Variants in EIF4H observed in about 807,000 individuals in gnomAD.
EIF4H encodes the protein Williams-Beuren syndrome chromosome region 1.
EIF4H carries 8 observed loss-of-function variants against 30.6 expected under a neutral mutation model. That is an observed-to-expected ratio of 0.26 (90% CI 0.15 to 0.47). EIF4H has a LOEUF of 0.47. Among genes scored for constraint, EIF4H ranks in the 20% least tolerant of loss-of-function variants. The pLI, the probability that EIF4H is intolerant of heterozygous loss-of-function variation, is 0.99. For synonymous variants in EIF4H, 106 were observed against 122.7 expected (o/e 0.86, Z 0.90); for missense variants, 188 against 339.5 (o/e 0.55, Z 3.51).
At position 74,184,026 on chromosome 7, in the gene EIF4H, G is replaced by A. The variant is rs540734639; in HGVS notation, c.60-3585G>A. ...GAAAAGTCTAGAGTATTAAGCCACTGGTGGTTTTGTGAGGCACGAGTGAGT... is the reference window on the plus strand; with the variant it reads ...GAAAAGTCTAGAGTATTAAGCCACTAGTGGTTTTGTGAGGCACGAGTGAGT... On this transcript the variant is annotated intron_variant, in intron 1 of 6. Coordinates refer to ENST00000265753, the MANE Select transcript of EIF4H (RefSeq NM_022170.2). The A allele has an allele frequency of 3.9e-5, 6 of 152,332 alleles. No homozygotes were observed. In the South Asian group the frequency reaches 1.2e-3, roughly 32 times the overall value. 9.4% of individuals were successfully genotyped at this position (152,332 alleles called of 1,614,324 possible).
intron 5 of EIF4H, among the ~76,000 whole-genome samples, chr7:74,191,849 G>A (rs567995601): frequency 4.6e-4 from 70 of 152,048 alleles, no homozygotes; most frequent in Admixed American, 1.3e-3. Flanking sequence ...GTGCGATCTC[G>A]GCTCACTGCA....
In EIF4H at chr7:74,189,680, C is replaced by T; in HGVS notation, c.255C>T (p.Cys85=). 7 of 1,613,850 alleles carry T rather than the reference C, an allele frequency of 4.3e-6. No homozygotes were observed. The highest frequency in any genetic ancestry group is 5.1e-6 in the Non-Finnish European group (6 of 1,179,996). ...TCTTCTTTTCTTTTCCAGGATTCTGCTATGTAGAATTCGATGAAGTGGATT... is the reference window on the plus strand; with the variant it reads ...TCTTCTTTTCTTTTCCAGGATTCTGTTATGTAGAATTCGATGAAGTGGATT... The part of the protein sequence containing the change: ...DKDTDKFKGF[C]YVEFDEVDSL... The change falls in exon 3 of 7, where the codon TGC becomes TGT. Residue 85 remains cysteine, a synonymous_variant. Transcript: ENST00000265753.
chr7:74,194,946 G>A (rs183573618), intron 6 of EIF4H, 68 bp downstream of exon 6: 30 of 1,535,952 alleles, frequency 2.0e-5, no homozygotes, highest in African/African-American at 1.4e-4. Flanking sequence ...TTCACACCCC[G>A]TGGGGACTTG....
chr7:74,191,273 T>G lies in EIF4H; in HGVS notation c.469+967T>G, dbSNP rs555659597. On this transcript the variant is annotated intron_variant, in intron 5 of 6. Coordinates refer to ENST00000265753, the MANE Select transcript of EIF4H (RefSeq NM_022170.2). Reference sequence around the variant, plus strand: ...ATCTGTAATTTTATGTATAAGCTAGTCTCTGATTGAAACATGCAGCAGCTG... The same window carrying G: ...ATCTGTAATTTTATGTATAAGCTAGGCTCTGATTGAAACATGCAGCAGCTG... 1.1e-4 allele frequency: 60 copies of G among 533,492 alleles called. No individual in the cohort carries two copies. The African/African-American group carries it at 1.1e-3, about 10-fold the overall frequency. 33.0% of individuals were successfully genotyped at this position (533,492 alleles called of 1,614,324 possible). A position where few individuals can be genotyped will look rare whatever the true frequency, so the allele number is the denominator to read the frequency against.
intron 5 of EIF4H, among the ~76,000 whole-genome samples, chr7:74,194,432 G>A (rs966931977): frequency 1.3e-5 from 2 of 152,148 alleles, no homozygotes; most frequent in East Asian, 1.9e-4. Context: ...TGCTTAAGCC[G>A]TATTAAAATA....
At chr7:74,177,349 C>T (rs1389815329) in intron 1 of EIF4H, among the ~76,000 whole-genome samples, 1 of 152,146 alleles carries the variant, frequency 6.6e-6, no homozygotes, top group East Asian at 1.9e-4. Context: ...GTAAAATATA[C>T]ATAACATAAA....
intron 5 of EIF4H, among the ~76,000 whole-genome samples, chr7:74,193,387 A>G (rs534494311): frequency 2.0e-5 from 3 of 152,242 alleles, no homozygotes; most frequent in Admixed American, 2.0e-4. Flanking sequence ...GGGATTACAC[A>G]TGAATTTTAG....
chr7:74,178,954 G>A (rs1190991315), intron 1 of EIF4H, among the ~76,000 whole-genome samples: 3 of 152,064 alleles, frequency 2.0e-5, no homozygotes, highest in African/African-American at 7.3e-5. Context: ...GTTAAGCATG[G>A]CCTTCCAGTT....
chr7:74,187,654 G>C lies in EIF4H; in HGVS notation c.103G>C (p.Glu35Gln). 6.2e-7 allele frequency: 1 copy of C among 1,611,392 alleles called. No homozygotes were observed. Among genetic ancestry groups the C allele is most frequent in the Non-Finnish European group, 8.5e-7 (1 of 1,178,356 alleles). The part of the protein sequence containing the change: ...AGGHGSRSQK[E>Q]LPTEPPYTAY... ...TGGCCATGGTTCCCGTAGCCAGAAG[G>C]AGTTGCCCACAGAGCCCCCCTACAC... Residue 35 changes from glutamate to glutamine, a missense_variant, in exon 2 of 7, where the codon GAG becomes CAG. Around this residue, in one of 4 missense-constraint regions of EIF4H, gnomAD observed 52 missense variants for 143.9 expected, o/e 0.36. Transcript: ENST00000265753.
In EIF4H at chr7:74,174,447, GGCGGGCGTGC is replaced by G. The variant is rs781803331; in HGVS notation, c.59+12_59+21del. ...CAGCTTCGGCGGCGGCAGAGGGTGA[GGCGGGCGTGC>G]GCGGGCCCCGTCGGGGGCTGCGGGA... is the stretch of plus-strand genomic sequence containing the variant. On this transcript the variant is annotated splice_donor_region_variant and intron_variant, in intron 1 of 6. Transcript: ENST00000265753. 1 of 1,431,538 alleles carries G rather than the reference GGCGGGCGTGC, an allele frequency of 7.0e-7. No homozygotes were observed. Among genetic ancestry groups the G allele is most frequent in the Admixed American group, 2.1e-5 (1 of 47,034 alleles). The allele number at this position is 1,431,538 out of a possible 1,614,324, so 88.7% of individuals were successfully genotyped here.
intron 1 of EIF4H, among the ~76,000 whole-genome samples, chr7:74,175,679 A>G (rs1290470854): frequency 1.5e-4 from 23 of 152,216 alleles, no homozygotes; most frequent in African/African-American, 5.1e-4. Context: ...TTAGGTTTCT[A>G]AACATCAAAT....
At chr7:74,182,899 C>T (rs1362220455) in intron 1 of EIF4H, among the ~76,000 whole-genome samples, 1 of 152,218 alleles carries the variant, frequency 6.6e-6, no homozygotes, top group East Asian at 1.9e-4. Context: ...ACTTCTGTTG[C>T]TCTCTGCTGT....
intron 1 of EIF4H, among the ~76,000 whole-genome samples, chr7:74,176,326 C>T (rs1800838063): frequency 6.7e-6 from 1 of 150,322 alleles, no homozygotes; most frequent in African/African-American, 2.5e-5. Context: ...CAACCTCCAC[C>T]TCCCGGGTTT....
intron 1 of EIF4H, among the ~76,000 whole-genome samples, chr7:74,175,062 C>T (rs77024906): frequency 0.025 from 3,857 of 152,306 alleles, 172 homozygotes; most frequent in African/African-American, 0.087. Context: ...ATTAATCTTT[C>T]TTGGGTCACA....
chr7:74,194,276 T>C (rs1328922064), intron 5 of EIF4H, among the ~76,000 whole-genome samples: 1 of 152,208 alleles, frequency 6.6e-6, no homozygotes, highest in Admixed American at 6.5e-5. Flanking sequence ...GACTTTGTGT[T>C]TTTATTTTGT....
chr7:74,186,293 A>G lies in EIF4H; in HGVS notation c.60-1318A>G, dbSNP rs144475642. ...GGCTGGAGTGCAATGGGCTCACTAC[A>G]ACCTCCACCTCCTGGGTTCAAGCGA... On this transcript the variant is annotated intron_variant, in intron 1 of 6. Coordinates refer to ENST00000265753, the MANE Select transcript of EIF4H (RefSeq NM_022170.2). Among the ~76,000 whole-genome samples the G allele has an allele frequency of 3.4e-3, 509 of 151,112 alleles. 2 individuals are homozygous for G. Among genetic ancestry groups the G allele is most frequent in the Middle Eastern group, 6.8e-3 (2 of 292 alleles).
At chr7:74,194,942 C>G (rs1199122914) in intron 6 of EIF4H, 64 bp downstream of exon 6, 3 of 1,541,054 alleles carry the variant, frequency 1.9e-6, no homozygotes, top group East Asian at 4.6e-5. Flanking sequence ...CCGGTTCACA[C>G]CCCGTGGGGA....
intron 5 of EIF4H, among the ~76,000 whole-genome samples, chr7:74,193,262 A>T (rs547998285): frequency 3.5e-4 from 53 of 152,310 alleles, no homozygotes; most frequent in African/African-American, 1.2e-3. Flanking sequence ...TCGTGAAAAG[A>T]CTTGACAGCT....
At chr7:74,194,217 G>C (rs1049188166) in intron 5 of EIF4H, among the ~76,000 whole-genome samples, 1 of 152,202 alleles carries the variant, frequency 6.6e-6, no homozygotes, top group Non-Finnish European at 1.5e-5. Context: ...CAGGTGCTTT[G>C]CTTGTAGAAT....
Sources: allele counts gnomAD v4.1 joint callset (sites outside exome capture counted in the v4.1 genomes callset), GRCh38; gene constraint gnomAD v4.1.1; regional missense constraint gnomAD v4.1.1; transcripts MANE v1.5; gene names NCBI Gene and HGNC (gene_info 2026-07-23, HGNC 2026-07-21).